KCNC4: variants seen among roughly 807,000 people sequenced by gnomAD.
KCNC4 encodes voltage-gated potassium channel KCNC4.
In KCNC4, 23 loss-of-function variants were observed where a neutral mutation model predicts 42.8. The ratio of observed to expected loss-of-function variants is 0.54; its 90% confidence interval spans 0.39 to 0.76. KCNC4 has a LOEUF of 0.76. Ranked by LOEUF, KCNC4 falls within the 30% of genes least tolerant of loss-of-function variation. The pLI, the probability that KCNC4 is intolerant of heterozygous loss-of-function variation, is 0.00. For missense variants in KCNC4, 751 were observed against 898.2 expected, an observed-to-expected ratio of 0.84 and a Z score of 2.10; for synonymous variants, 422 against 393.5, an observed-to-expected ratio of 1.07 and a Z score of -0.86.
At position 110,212,147 on chromosome 1, in the gene KCNC4, C is replaced by T. The variant is rs957197978; in HGVS notation, c.648C>T (p.Phe216=). The change falls in exon 1 of 4, where the codon TTC becomes TTT. Residue 216 remains phenylalanine (F), a synonymous_variant. Coordinates refer to ENST00000438661, the MANE Select transcript of KCNC4 (RefSeq NM_001039574.3). The part of the protein sequence containing the change: ...RGWQPRMWAL[F]EDPYSSRAAR... The stretch of plus-strand genomic sequence containing the variant: ...GGCAGCCCCGCATGTGGGCGCTCTT[C>T]GAGGATCCCTACTCCTCCCGGGCCG... 7 of 1,511,700 alleles carry T rather than the reference C, an allele frequency of 4.6e-6. No individual in the cohort carries two copies. The African/African-American group carries it at 1.0e-4, about 22-fold the overall frequency. The allele number at this position is 1,511,700 out of a possible 1,614,324, so 93.6% of individuals were successfully genotyped here. A position where few individuals can be genotyped will look rare whatever the true frequency, so the allele number is the denominator to read the frequency against.
rs1402920419 is a variant in KCNC4 at position 110,211,760 on chromosome 1, C to T, written c.261C>T (p.Ser87=). Residue 87 remains serine (S), a synonymous_variant, in exon 1 of 4, where the codon AGC becomes AGT. Coordinates refer to ENST00000438661, the MANE Select transcript of KCNC4 (RefSeq NM_001039574.3). This position sits in a 1 kb window ranked among gnomAD's most constrained non-coding sequence, Gnocchi z 6.5. ...GCGGTGTGGGTAGCAGCGGCAGCAG[C>T]GGCGGCGGGGGCTGCGAGTTCTTCT... ...DGGGVGSSGS[S]GGGGCEFFFD... 2.5e-6 allele frequency: 4 copies of T among 1,609,462 alleles called. No homozygotes were observed. The highest frequency in any genetic ancestry group is 1.3e-5 in the African/African-American group (1 of 74,972).
intron 3 of KCNC4, chr1:110,228,998 A>G (rs1571051523): frequency 6.6e-6 from 1 of 152,194 alleles, no homozygotes; most frequent in African/African-American, 2.4e-5. Flanking sequence ...TCGGGGTCCC[A>G]CCAGGGCCAG....
At position 110,223,029 on chromosome 1, in the gene KCNC4, T is replaced by C. The variant is rs144767142; in HGVS notation, c.744T>C (p.His248=). 1.5e-3 allele frequency: 2,425 copies of C among 1,614,144 alleles called. 33 individuals are homozygous for C. In the African/African-American group the frequency reaches 0.028, roughly 19 times the overall value. The part of the protein sequence containing the change: ...VSITTFCLET[H]EAFNIDRNVT... ...TCACCACTTTCTGCCTGGAGACCCA[T>C]GAGGCCTTTAATATCGACCGCAACG... Residue 248 remains histidine (H), a synonymous_variant, in exon 2 of 4, where the codon CAT becomes CAC. Transcript: ENST00000438661. This position sits in a 1 kb window ranked among gnomAD's most constrained non-coding sequence, Gnocchi z 7.5.
chr1:110,226,457 G>A (rs1288710090), intron 3 of KCNC4: 3 of 486,326 alleles, frequency 6.2e-6, no homozygotes, highest in Non-Finnish European at 1.1e-5. Context: ...TCCCTGCCCC[G>A]TGCTTCCATT....
chr1:110,265,259 G>T (rs571656038), intron 1 of KCNC4, among the ~76,000 whole-genome samples: 4 of 151,734 alleles, frequency 2.6e-5, no homozygotes, highest in Non-Finnish European at 4.4e-5. Flanking sequence ...TTCTTCCTAG[G>T]CTAGAAGCCT....
chr1:110,229,359 G>A (rs1217143557), intron 3 of KCNC4, among the ~76,000 whole-genome samples: 9 of 152,188 alleles, frequency 5.9e-5, no homozygotes. Flanking sequence ...CAGGCTTGGT[G>A]CAGGCCGTGG....
exon 4 of KCNC4, chr1:110,242,540 T>C (rs1251327789): frequency 6.6e-6 from 1 of 152,258 alleles, no homozygotes; most frequent in East Asian, 1.9e-4. Flanking sequence ...CAAGGTGGGA[T>C]GATAATTAAA....
chr1:110,246,239 C>T (rs999628386), exon 4 of KCNC4: 1 of 152,206 alleles, frequency 6.6e-6, no homozygotes, highest in African/African-American at 2.4e-5. Context: ...AGTCTTTACT[C>T]CATCCTGACC....
intron 1 of KCNC4, among the ~76,000 whole-genome samples, chr1:110,262,659 A>G (rs764348419): frequency 7.2e-5 from 11 of 152,142 alleles, no homozygotes; most frequent in Non-Finnish European, 1.6e-4. Context: ...CTTCTGCCTC[A>G]CTGTCTCTAT....
chr1:110,260,206 G>A (rs780605436), intron 1 of KCNC4, among the ~76,000 whole-genome samples: 1 of 152,224 alleles, frequency 6.6e-6, no homozygotes, highest in Non-Finnish European at 1.5e-5. Context: ...ACTAGGAACA[G>A]GGGGGCTTTT....
At chr1:110,214,492 C>A (rs979204091) in intron 1 of KCNC4, among the ~76,000 whole-genome samples, 2 of 152,192 alleles carry the variant, frequency 1.3e-5, no homozygotes, top group Admixed American at 6.5e-5. Flanking sequence ...AATAACTGCT[C>A]ATTATTGAGC....
chr1:110,217,937 G>A (rs946746179), intron 1 of KCNC4, among the ~76,000 whole-genome samples: 4 of 152,164 alleles, frequency 2.6e-5, no homozygotes, highest in African/African-American at 9.7e-5. Flanking sequence ...CAAGGATCTT[G>A]CTTCCCTGGA....
intron 1 of KCNC4, among the ~76,000 whole-genome samples, chr1:110,280,781 CT>C (rs1366348768): frequency 1.3e-5 from 2 of 152,108 alleles, no homozygotes; most frequent in Non-Finnish European, 2.9e-5. Context: ...AATTGGGTGT[CT>C]TGTATTTTAT....
intron 3 of KCNC4, among the ~76,000 whole-genome samples, chr1:110,231,789 A>G (rs906838512): frequency 2.6e-5 from 4 of 152,146 alleles, no homozygotes; most frequent in Admixed American, 2.6e-4. Flanking sequence ...ACTTGTAGGC[A>G]AAGGGGCAGT....
rs375796717 is a variant in KCNC4, at chr1:110,226,047, C to A, written c.1688C>A (p.Ala563Asp). ...EEGAGLTQPL[A>D]SSPTPEERRA... ...GGAGCTGGCCTCACCCAACCCCTGG[C>A]CTCCTCCCCGACCCCCGAGGAGCGC... Residue 563 changes from alanine to aspartate, a missense_variant, in exon 3 of 4, where the codon GCC (alanine) becomes GAC (aspartate). Physicochemically the swap from Ala to Asp is moderately radical, Grantham distance 126. This residue lies in a region of KCNC4 where 202 missense variants were observed against 181.5 expected (regional missense o/e 1.11). Transcript: ENST00000438661. 5.6e-6 allele frequency: 9 copies of A among 1,613,856 alleles called. No individual in the cohort carries two copies. In the African/African-American group the frequency reaches 1.2e-4, roughly 22 times the overall value.
chr1:110,215,154 A>G (rs777732816), intron 1 of KCNC4, among the ~76,000 whole-genome samples: 1 of 152,256 alleles, frequency 6.6e-6, no homozygotes, highest in Non-Finnish European at 1.5e-5. Flanking sequence ...AAAACGATAC[A>G]AATGGAAAGT....
intron 1 of KCNC4, among the ~76,000 whole-genome samples, chr1:110,278,909 C>T (rs1460886306): frequency 2.0e-5 from 3 of 152,160 alleles, no homozygotes; most frequent in Admixed American, 2.0e-4. Flanking sequence ...TGTCTGTCAG[C>T]ATGCCACTCA....
Position 110,233,207 on chromosome 1 carries a change from ATAT to A in KCNC4, c.*239_*241del, listed in dbSNP as rs768584734. On this transcript the variant is annotated 3_prime_UTR_variant, in exon 4 of 4. Transcript: ENST00000438661. Reference sequence around the variant, plus strand: ...GCACATATAGTATCTATATTCATACATATTATACTCTTGTGTGTAGTGCACGTG... The same window carrying A: ...GCACATATAGTATCTATATTCATACATATACTCTTGTGTGTAGTGCACGTG... 3.3e-6 allele frequency: 2 copies of A among 602,750 alleles called. No individual in the cohort carries two copies. The highest frequency in any genetic ancestry group is 2.0e-5 in the South Asian group (1 of 49,698). The allele number at this position is 602,750 out of a possible 1,614,324, so 37.3% of individuals were successfully genotyped here.
intron 1 of KCNC4, among the ~76,000 whole-genome samples, chr1:110,275,724 C>T (rs562524458): frequency 5.9e-5 from 9 of 151,852 alleles, no homozygotes; most frequent in East Asian, 1.9e-4. Context: ...TTTGGGAGGC[C>T]GAGGCGGGTG....
Sources: allele counts gnomAD v4.1 joint callset (sites outside exome capture counted in the v4.1 genomes callset), GRCh38; gene constraint gnomAD v4.1.1; regional missense constraint gnomAD v4.1.1; non-coding constraint Gnocchi (gnomAD v3.1); transcripts MANE v1.5; gene names NCBI Gene and HGNC (gene_info 2026-07-23, HGNC 2026-07-21).